CDH23: variants seen among roughly 807,000 people sequenced by gnomAD.
CDH23 encodes cadherin related 23, also known as cadherin-23.
CDH23 carries 189 observed loss-of-function variants against 317.1 expected under a neutral mutation model. That is an observed-to-expected ratio of 0.60 (90% CI 0.53 to 0.67). The LOEUF is 0.67. Among genes scored for constraint, CDH23 ranks in the 30% least tolerant of loss-of-function variants. The probability of loss-of-function intolerance (pLI) is 0.00; values close to 1 mark genes in which losing one functional copy is unlikely to be tolerated. For missense variants in CDH23, 4,401 were observed against 4,592.4 expected (o/e 0.96, Z 1.20); for synonymous variants, 1,839 against 1,876.8 (o/e 0.98, Z 0.52).
intron 3 of CDH23, among the ~76,000 whole-genome samples, chr10:71,491,411 A>G (rs1852651024): frequency 6.6e-6 from 1 of 152,222 alleles, no homozygotes; most frequent in Admixed American, 6.5e-5. Flanking sequence ...AGACTTGCAC[A>G]GCCTTGGGCA....
intron 9 of CDH23, among the ~76,000 whole-genome samples, chr10:71,584,627 C>T (rs759676668): frequency 6.6e-6 from 1 of 151,112 alleles, no homozygotes; most frequent in Non-Finnish European, 1.5e-5. Flanking sequence ...TCACACCCCC[C>T]ACATATGCCA....
At chr10:71,487,516 AG>A (rs1852417815) in intron 3 of CDH23, among the ~76,000 whole-genome samples, 1 of 152,230 alleles carries the variant, frequency 6.6e-6, no homozygotes, top group African/African-American at 2.4e-5. Flanking sequence ...CTGGATGGGT[AG>A]GAGGCTCTGT....
intron 6 of CDH23, among the ~76,000 whole-genome samples, chr10:71,525,064 T>C (rs1012866487): frequency 5.3e-5 from 8 of 151,968 alleles, no homozygotes; most frequent in South Asian, 2.1e-4. Flanking sequence ...TGCACCACCA[T>C]GCCCAGCTAA....
At chr10:71,803,536 T>C in intron 55 of CDH23, 116 bp downstream of exon 55, 2 of 915,810 alleles carry the variant, frequency 2.2e-6, no homozygotes, top group Middle Eastern at 3.4e-4. Flanking sequence ...GGAAAGTAGC[T>C]CCAGGAAAAA....
At chr10:71,590,881 A>AGAC (rs1554842888) in intron 9 of CDH23, among the ~76,000 whole-genome samples, 1 of 126,960 alleles carries the variant, frequency 7.9e-6, no homozygotes, top group Non-Finnish European at 1.6e-5. Flanking sequence ...TCTAAAAAAA[A>AGAC]AAAAACAAAA....
At chr10:71,591,319 G>C (rs1241183897) in intron 9 of CDH23, among the ~76,000 whole-genome samples, 1 of 152,190 alleles carries the variant, frequency 6.6e-6, no homozygotes, top group South Asian at 2.1e-4. Context: ...CAAAGAGACG[G>C]TTATTCCATT....
chr10:71,780,321 C>T (rs1163610337), intron 41 of CDH23, among the ~76,000 whole-genome samples: 2 of 152,130 alleles, frequency 1.3e-5, no homozygotes, highest in African/African-American at 4.8e-5. Context: ...AAGTAGATGA[C>T]TTAGTATACT....
chr10:71,537,912 G>A (rs1855788291), intron 6 of CDH23, among the ~76,000 whole-genome samples: 1 of 152,186 alleles, frequency 6.6e-6, no homozygotes, highest in Admixed American at 6.5e-5. Flanking sequence ...CACTCACTCG[G>A]CTGGTATAGA....
chr10:71,731,390 C>T (rs1375910267), intron 31 of CDH23, among the ~76,000 whole-genome samples: 2 of 152,178 alleles, frequency 1.3e-5, no homozygotes, highest in East Asian at 1.9e-4. Context: ...AATTCTCAGG[C>T]GGAATCTCAG....
intron 9 of CDH23, among the ~76,000 whole-genome samples, chr10:71,585,131 G>A (rs1425852313): frequency 6.6e-6 from 1 of 152,082 alleles, no homozygotes. Flanking sequence ...GAGGTCTGGG[G>A]GTCATTGTGG....
rs1041012587 is a variant in CDH23, at chr10:71,402,576, T to G, written c.-6+5258T>G. Among the ~76,000 whole-genome samples the G allele has an allele frequency of 5.2e-4, 79 of 152,220 alleles. 1 individual carries two copies. Among genetic ancestry groups the G allele is most frequent in the Non-Finnish European group, 1.0e-4 (7 of 68,030 alleles). ...CCTGGCGCACAGTATACATGCAAAA[T>G]GTAGTAGCTTTTATTGTATCCCTTT... On this transcript the variant is annotated intron_variant, in intron 1 of 69. Transcript: ENST00000224721.
chr10:71,592,420 G>A lies in CDH23; in HGVS notation c.832+14428G>A, dbSNP rs187770309. On this transcript the variant is annotated intron_variant, in intron 9 of 69. Transcript: ENST00000224721. Reference sequence around the variant, plus strand: ...TCTAGAGGTCAGAAGTCTGAAGTGAGGCTTATGGGGTTAAAATCAAGGTGT... The same window carrying A: ...TCTAGAGGTCAGAAGTCTGAAGTGAAGCTTATGGGGTTAAAATCAAGGTGT... Among the ~76,000 whole-genome samples, 134 of 152,322 alleles carry A rather than the reference G, an allele frequency of 8.8e-4. 1 individual carries two copies. Among genetic ancestry groups the A allele is most frequent in the South Asian group, 1.7e-3 (8 of 4,828 alleles).
intron 3 of CDH23, among the ~76,000 whole-genome samples, chr10:71,456,703 T>C (rs1850714544): frequency 6.6e-6 from 1 of 152,234 alleles, no homozygotes; most frequent in Non-Finnish European, 1.5e-5. Flanking sequence ...GGGGAAATAG[T>C]GACTAGCTTT....
At chr10:71,733,571 G>A (rs1020120821) in intron 32 of CDH23, among the ~76,000 whole-genome samples, 1 of 152,146 alleles carries the variant, frequency 6.6e-6, no homozygotes, top group Non-Finnish European at 1.5e-5. Flanking sequence ...AGAGCTTTGT[G>A]CCAGGAACCA....
In CDH23 at chr10:71,732,382, G is replaced by C. The variant is rs1372573398; in HGVS notation, c.4104+7G>C. ...CAAGATAGACGCCATCACGGTGAGG[G>C]GCTGGGGGCAGGGAGCACCATTTCT... On this transcript the variant is annotated splice_region_variant and intron_variant, in intron 32 of 69. Coordinates refer to ENST00000224721, the MANE Select transcript of CDH23 (RefSeq NM_022124.6). 1 of 1,556,410 alleles carries C rather than the reference G, an allele frequency of 6.4e-7. No individual in the cohort carries two copies.
chr10:71,712,926 G>C, intron 28 of CDH23, 113 bp downstream of exon 28: 9 of 1,285,968 alleles, frequency 7.0e-6, no homozygotes, highest in Non-Finnish European at 5.5e-6. Context: ...TGGGGGCCCA[G>C]GGTGGGTCCG....
chr10:71,811,975 A>G lies in CDH23; in HGVS notation c.9340A>G (p.Ile3114Val). The G allele has an allele frequency of 6.2e-7, 1 of 1,611,294 alleles. No individual in the cohort carries two copies. Among genetic ancestry groups the G allele is most frequent in the Non-Finnish European group, 8.5e-7 (1 of 1,179,322 alleles). ...TGCAGGGAATCGTGGCTTCATCGAC[A>G]TCATGGACATGCCTAACACCAACAA... The part of the protein sequence containing the change: ...GSAGNRGFID[I>V]MDMPNTNKYS... Residue 3114 changes from isoleucine (I) to valine (V), a missense_variant, in exon 66 of 70, where the codon ATC becomes GTC. Physicochemically the swap from Ile to Val is conservative, Grantham distance 29. Around this residue, in one of 3 missense-constraint regions of CDH23, gnomAD observed 1,144 missense variants for 1,138.2 expected, o/e 1.01. Transcript: ENST00000224721.
At chr10:71,406,263 G>A (rs1375878638) in intron 1 of CDH23, among the ~76,000 whole-genome samples, 2 of 152,340 alleles carry the variant, frequency 1.3e-5, no homozygotes, top group East Asian at 3.9e-4. Flanking sequence ...AGAAAGCTAA[G>A]GAAGTTGCAG....
rs565486143 is a variant in CDH23 at position 71,646,371 on chromosome 10, G to A, written c.1291-88G>A. On this transcript the variant is annotated intron_variant, in intron 13 of 69. Coordinates refer to ENST00000224721, the MANE Select transcript of CDH23 (RefSeq NM_022124.6). ...CTAACAGGTGCTCTGGGCTGGGGCC[G>A]GCAAAGGCATGGAGAGGACTTACAG... 80 of 1,561,238 alleles carry A rather than the reference G, an allele frequency of 5.1e-5. No homozygotes were observed. The Middle Eastern group carries it at 7.1e-4, about 14-fold the overall frequency.
Sources: gnomAD v4.1 joint callset for allele counts (sites outside exome capture counted in the v4.1 genomes callset) on GRCh38, gnomAD v4.1.1 for gene constraint, gnomAD v4.1.1 regional missense constraint, MANE v1.5 for transcripts, NCBI Gene and HGNC (gene_info 2026-07-23, HGNC 2026-07-21) for gene names.